The following GSDME variants were observed in gnomAD, a reference collection of about 807,000 sequenced individuals.
The protein encoded by GSDME is gasdermin E.
GSDME carries 44 observed loss-of-function variants against 47.5 expected under a neutral mutation model. That is an observed-to-expected ratio of 0.93 (90% CI 0.73 to 1.19). The LOEUF (loss-of-function observed/expected upper bound fraction) is 1.19, where lower values mean the gene tolerates loss of function less well. Among genes scored for constraint, GSDME ranks in the 50% most tolerant of loss-of-function variants. GSDME has a pLI of 0.00. For synonymous variants in GSDME, 258 were observed against 252.8 expected (o/e 1.02, Z -0.20); for missense variants, 663 against 604.2 (o/e 1.10, Z -1.02).
rs901875373 is a variant in GSDME, at chr7:24,708,157, A to G, written c.960T>C (p.Asp320=). The G allele has an allele frequency of 6.2e-7, 1 of 1,614,142 alleles. No homozygotes were observed. Among genetic ancestry groups the G allele is most frequent in the Non-Finnish European group, 8.5e-7 (1 of 1,180,030 alleles). Residue 320 remains aspartate, a synonymous_variant, in exon 7 of 10, where the codon GAT becomes GAC. Transcript: ENST00000645220. ...LSDIFQAVLF[D]DELLMVLEPV... ...GTTCCAGGACCATGAGTAGTTCATC[A>G]TCAAATAGGACCGCCTGGAAGATGT...
the GSDME span, among the ~76,000 whole-genome samples, chr7:24,776,180 C>CA: frequency 0.46 from 32,518 of 70,432 alleles, 7,002 homozygotes; most frequent in East Asian, 0.63. Context: ...AACTCCATCT[C>CA]AAAAAAAAAA....
At chr7:24,750,383 A>G (rs1224806093) in intron 1 of GSDME, among the ~76,000 whole-genome samples, 3 of 152,220 alleles carry the variant, frequency 2.0e-5, no homozygotes, top group African/African-American at 7.2e-5. Flanking sequence ...TTGGGAGGCC[A>G]AGGTGGGAGG....
At chr7:24,717,213 C>G (rs1300688649) in intron 5 of GSDME, 41 bp downstream of exon 5, 1 of 1,612,814 alleles carries the variant, frequency 6.2e-7, no homozygotes, top group Non-Finnish European at 8.5e-7. Context: ...GAGGGATCCT[C>G]TGCTGGGGAT....
the GSDME span, among the ~76,000 whole-genome samples, chr7:24,788,455 G>A: frequency 6.6e-5 from 10 of 152,232 alleles, no homozygotes; most frequent in East Asian, 1.2e-3. The surrounding 1 kb of genome is among the most constrained non-coding windows in gnomAD (Gnocchi z 4.6). Flanking sequence ...CTAATCTCTC[G>A]GTGACTTCAG....
rs76692955 is a variant in GSDME, at chr7:24,755,398, G to A, written c.-20+1998C>T. On this transcript the variant is annotated intron_variant, in intron 1 of 9. Coordinates refer to ENST00000645220, the MANE Select transcript of GSDME (RefSeq NM_001127453.2). ...TCTCTGGCCTTCTCTCATTTTTGAC[G>A]AGATTTACGAGGATACTCAATCACA... 6.6e-3 allele frequency among the ~76,000 whole-genome samples: 998 copies of A among 152,118 alleles called. 10 individuals are homozygous for A. The highest frequency in any genetic ancestry group is 0.023 in the African/African-American group (952 of 41,492).
upstream of GSDME, among the ~76,000 whole-genome samples, chr7:24,761,798 G>A (rs1791169246): frequency 6.6e-6 from 1 of 152,226 alleles, no homozygotes; most frequent in South Asian, 2.1e-4. The surrounding 1 kb of genome is among the most constrained non-coding windows in gnomAD (Gnocchi z 4.4). Flanking sequence ...AAACAAGGCA[G>A]AAGCTAGAAG....
intron 4 of GSDME, among the ~76,000 whole-genome samples, chr7:24,717,785 G>A (rs763710984): frequency 1.3e-5 from 2 of 152,134 alleles, no homozygotes; most frequent in African/African-American, 4.8e-5. Flanking sequence ...CCCCTACCCC[G>A]TGCATATCAC....
intron 3 of GSDME, among the ~76,000 whole-genome samples, chr7:24,743,823 C>G (rs576855107): frequency 1.3e-5 from 2 of 152,332 alleles, no homozygotes; most frequent in South Asian, 4.1e-4. Flanking sequence ...TTCGTAGCCC[C>G]CATTCCTAGC....
chr7:24,749,984 T>TAC (rs1344571338), intron 1 of GSDME, among the ~76,000 whole-genome samples, 191 bp from the exon 2 acceptor site: 2 of 152,184 alleles, frequency 1.3e-5, no homozygotes, highest in African/African-American at 4.8e-5. Context: ...AACATATATA[T>TAC]ACCAGTCTGG....
the GSDME span, among the ~76,000 whole-genome samples, chr7:24,787,688 GT>G: frequency 6.6e-6 from 1 of 150,618 alleles, no homozygotes; most frequent in East Asian, 1.9e-4. This position sits in a 1 kb window ranked among gnomAD's most constrained non-coding sequence, Gnocchi z 5.0. Context: ...TTTTTTTTTT[GT>G]TTTTTGTGGG....
At chr7:24,767,166 A>G in the GSDME span, among the ~76,000 whole-genome samples, 1 of 152,122 alleles carries the variant, frequency 6.6e-6, no homozygotes, top group African/African-American at 2.4e-5. The surrounding 1 kb of genome is among the most constrained non-coding windows in gnomAD (Gnocchi z 5.3). Context: ...TCTACTAAAA[A>G]TACAAAAATT....
At chr7:24,699,467 C>T (rs961127044) in intron 9 of GSDME, among the ~76,000 whole-genome samples, 25 of 152,014 alleles carry the variant, frequency 1.6e-4, no homozygotes, top group African/African-American at 4.8e-4. Context: ...CTCAGCCTCC[C>T]GAGTAGCTGG....
chr7:24,740,658 A>ATG (rs1179316333), intron 3 of GSDME, among the ~76,000 whole-genome samples: 3 of 152,046 alleles, frequency 2.0e-5, no homozygotes, highest in Admixed American at 6.6e-5. Context: ...ATGTATATAT[A>ATG]TTTACGTAAA....
At chr7:24,781,509 C>T in the GSDME span, among the ~76,000 whole-genome samples, 2 of 152,146 alleles carry the variant, frequency 1.3e-5, no homozygotes, top group African/African-American at 4.8e-5. Context: ...ATATTATGTA[C>T]AGCTGAGGAC....
chr7:24,755,766 T>C (rs1790995202), intron 1 of GSDME, among the ~76,000 whole-genome samples: 1 of 152,202 alleles, frequency 6.6e-6, no homozygotes, highest in Admixed American at 6.5e-5. Context: ...GTGGGCCTCA[T>C]ATGACTCATT....
chr7:24,741,428 A>C (rs578046818), intron 3 of GSDME, among the ~76,000 whole-genome samples: 1 of 152,226 alleles, frequency 6.6e-6, no homozygotes. Context: ...GTTTCCATCA[A>C]GAATGCTAAG....
intron 7 of GSDME, chr7:24,707,266 C>CAA: frequency 4.3e-6 from 2 of 464,214 alleles, no homozygotes; most frequent in Admixed American, 2.4e-5. Flanking sequence ...AACAAAAGAA[C>CAA]AAAAAACAAA....
chr7:24,722,080 C>G (rs1789811212), intron 3 of GSDME, among the ~76,000 whole-genome samples: 1 of 152,192 alleles, frequency 6.6e-6, no homozygotes, highest in Non-Finnish European at 1.5e-5. Context: ...CCTCCTCCAT[C>G]AAGAATATAA....
the GSDME span, among the ~76,000 whole-genome samples, chr7:24,790,963 A>G: frequency 6.6e-6 from 1 of 152,208 alleles, no homozygotes; most frequent in African/African-American, 2.4e-5. The surrounding 1 kb of genome is among the most constrained non-coding windows in gnomAD (Gnocchi z 4.1). Context: ...TAAGGAAAAT[A>G]AATCCCATGG....
Sources: allele counts gnomAD v4.1 joint callset (sites outside exome capture counted in the v4.1 genomes callset), GRCh38; gene constraint gnomAD v4.1.1; non-coding constraint Gnocchi (gnomAD v3.1); transcripts MANE v1.5; gene names NCBI Gene and HGNC (gene_info 2026-07-23, HGNC 2026-07-21).